Variants in PRICKLE2 observed in about 807,000 individuals in gnomAD.
The protein encoded by PRICKLE2 is prickle-like protein 2.
Under a neutral mutation model 81.4 loss-of-function variants are expected in PRICKLE2, and 21 were observed. That is an observed-to-expected ratio of 0.26 (90% confidence interval 0.18 to 0.37). The LOEUF is 0.37. Among genes scored for constraint, PRICKLE2 ranks in the 10% least tolerant of loss-of-function variants. PRICKLE2 has a pLI of 1.00. For synonymous variants in PRICKLE2, 456 were observed against 421.5 expected, an observed-to-expected ratio of 1.08 and a Z score of -1.00; for missense variants, 940 against 1,109.0, an observed-to-expected ratio of 0.85 and a Z score of 2.16.
At chr3:64,238,131 A>T (rs1054537052) in intron 2 of PRICKLE2, among the ~76,000 whole-genome samples, 3 of 152,226 alleles carry the variant, frequency 2.0e-5, no homozygotes, top group African/African-American at 7.2e-5. Flanking sequence ...TCAGAACCTG[A>T]AACAGTTGAA....
chr3:64,113,398 G>C (rs1485861402), intron 7 of PRICKLE2, among the ~76,000 whole-genome samples: 1 of 152,128 alleles, frequency 6.6e-6, no homozygotes, highest in Non-Finnish European at 1.5e-5. Context: ...GCCCCAGCCT[G>C]GCCACACCTG....
chr3:64,099,737 T>C lies in PRICKLE2; in HGVS notation c.1849A>G (p.Met617Val), dbSNP rs149214220. 6.2e-7 allele frequency: 1 copy of C among 1,614,166 alleles called. No homozygotes were observed. Among genetic ancestry groups the C allele is most frequent in the African/African-American group, 1.3e-5 (1 of 75,050 alleles). The change falls in exon 8 of 8, where the codon ATG (methionine) becomes GTG (valine). Residue 617 changes from methionine to valine, a missense_variant. By Grantham distance (21) the Met-to-Val change is conservative (BLOSUM62 1). Transcript: ENST00000638394. This position sits in a 1 kb window ranked among gnomAD's most constrained non-coding sequence, Gnocchi z 4.3. Reference sequence around the variant, plus strand: ...CTGAGCTGGTGGAGGTTTCCCTCCATCTCCTGGTACTGCTGGGCAGAGAGC... The same window carrying C: ...CTGAGCTGGTGGAGGTTTCCCTCCACCTCCTGGTACTGCTGGGCAGAGAGC... ...SLLSAQQYQE[M>V]EGNLHQLSNP...
At chr3:64,146,669 G>A (rs2077458921) in intron 7 of PRICKLE2, 161 bp downstream of exon 7, 1 of 731,284 alleles carries the variant, frequency 1.4e-6, no homozygotes, top group Non-Finnish European at 2.3e-6. Context: ...CGTGAACCCG[G>A]GAGGTGGAGC....
At chr3:64,116,418 T>C (rs2076934799) in intron 7 of PRICKLE2, among the ~76,000 whole-genome samples, 1 of 151,798 alleles carries the variant, frequency 6.6e-6, no homozygotes, top group Admixed American at 6.6e-5. Context: ...GAGCTGGTTT[T>C]CTTGAAAAAA....
Position 64,198,753 on chromosome 3 carries a change from A to T in PRICKLE2, c.144+31T>A, listed in dbSNP as rs746075796. On this transcript the variant is annotated intron_variant, in intron 2 of 7. Coordinates refer to ENST00000638394, the MANE Select transcript of PRICKLE2 (RefSeq NM_198859.4). ...CAGTAAGGCAAAGTGAAACACCCAA[A>T]CCACCAGCATGCTCCCATCCAGAAT... 3.1e-6 allele frequency: 5 copies of T among 1,611,942 alleles called. No homozygotes were observed. In the South Asian group the frequency reaches 3.3e-5, roughly 11 times the overall value.
rs773493989 is a variant in PRICKLE2, at chr3:64,147,321, C to T, written c.1169G>A (p.Arg390Gln). 23 of 1,614,038 alleles carry T rather than the reference C, an allele frequency of 1.4e-5. No homozygotes were observed. Among genetic ancestry groups the T allele is most frequent in the Middle Eastern group, 1.6e-4 (1 of 6,062 alleles). ...SLSSQTPSLN[R>Q]DPIWRSREEP... ...TTCCCGGCTCCTCCAGATGGGGTCC[C>T]GGTTGAGGCTGGGTGTCTGGCTGGA... is the stretch of plus-strand genomic sequence containing the variant. The change falls in exon 7 of 8, where the codon CGG becomes CAG. Residue 390 changes from arginine (R) to glutamine (Q), a missense_variant. By Grantham distance (43) the Arg-to-Gln change is conservative (BLOSUM62 1). Transcript: ENST00000638394. This position sits in a 1 kb window ranked among gnomAD's most constrained non-coding sequence, Gnocchi z 5.0.
At chr3:64,182,831 A>G (rs1377833855) in intron 2 of PRICKLE2, among the ~76,000 whole-genome samples, 1 of 152,180 alleles carries the variant, frequency 6.6e-6, no homozygotes, top group Non-Finnish European at 1.5e-5. Context: ...ATATAAATAT[A>G]TTCTGTATCT....
intron 1 of PRICKLE2, among the ~76,000 whole-genome samples, chr3:64,206,001 T>G (rs1219445223): frequency 1.3e-5 from 2 of 152,170 alleles, no homozygotes; most frequent in Admixed American, 6.5e-5. Context: ...AGTAGGTGCT[T>G]GGTAATTTGC....
intron 2 of PRICKLE2, among the ~76,000 whole-genome samples, chr3:64,183,618 T>C (rs1033486670): frequency 6.6e-6 from 1 of 152,210 alleles, no homozygotes; most frequent in Non-Finnish European, 1.5e-5. Context: ...ATGAAAGCTA[T>C]AGAGTATATC....
At chr3:64,180,541 A>ACTT (rs2078110470) in intron 2 of PRICKLE2, among the ~76,000 whole-genome samples, 1 of 149,774 alleles carries the variant, frequency 6.7e-6, no homozygotes, top group African/African-American at 2.5e-5. Context: ...TTTGAGAATG[A>ACTT]TTTTTTTTTT....
At chr3:64,184,979 C>CA (rs2078197874) in intron 2 of PRICKLE2, among the ~76,000 whole-genome samples, 1 of 152,212 alleles carries the variant, frequency 6.6e-6, no homozygotes, top group Admixed American at 6.5e-5. Context: ...GTTGGCACTG[C>CA]AGCTTTTTTC....
At chr3:64,112,502 A>G (rs1012630335) in intron 7 of PRICKLE2, among the ~76,000 whole-genome samples, 2 of 152,228 alleles carry the variant, frequency 1.3e-5, no homozygotes, top group African/African-American at 4.8e-5. Flanking sequence ...AGAAGATGGA[A>G]TAATTTTTAA....
At chr3:64,133,333 C>T (rs577721169) in intron 7 of PRICKLE2, among the ~76,000 whole-genome samples, 2 of 152,104 alleles carry the variant, frequency 1.3e-5, no homozygotes, top group Non-Finnish European at 2.9e-5. Context: ...ATGGGAAGCT[C>T]AGGCCGGGTT....
intron 7 of PRICKLE2, among the ~76,000 whole-genome samples, chr3:64,130,518 T>C (rs1336689493): frequency 6.6e-6 from 1 of 152,086 alleles, no homozygotes; most frequent in Non-Finnish European, 1.5e-5. Flanking sequence ...AGGGCAAAGG[T>C]TACTAGAAGA....
intron 7 of PRICKLE2, chr3:64,102,616 TAATAGA>T: frequency 6.6e-6 from 1 of 152,132 alleles, no homozygotes; most frequent in South Asian, 2.1e-4. Context: ...AATGTAGTAA[TAATAGA>T]AATAAAGTAC....
intron 7 of PRICKLE2, among the ~76,000 whole-genome samples, chr3:64,123,333 G>A (rs1312172770): frequency 1.3e-5 from 2 of 152,198 alleles, no homozygotes. Context: ...TACAAGTTGA[G>A]TATCTCCAAT....
chr3:64,263,148 A>C (rs780530797), intron 2 of PRICKLE2, among the ~76,000 whole-genome samples: 11 of 152,220 alleles, frequency 7.2e-5, no homozygotes. Context: ...TTTTTAGAAG[A>C]GCAATTCACC....
intron 2 of PRICKLE2, among the ~76,000 whole-genome samples, chr3:64,260,224 T>A (rs1234308894): frequency 6.6e-6 from 1 of 152,140 alleles, no homozygotes; most frequent in Admixed American, 6.5e-5. Context: ...TCTCAGGAAG[T>A]GCTGCAGTAC....
intron 7 of PRICKLE2, among the ~76,000 whole-genome samples, chr3:64,110,928 C>A (rs1239865555): frequency 2.2e-5 from 3 of 137,850 alleles, no homozygotes; most frequent in African/African-American, 8.2e-5. Flanking sequence ...TGCCACTGCA[C>A]TCCAGCCTGG....
Sources: gnomAD v4.1 joint callset for allele counts (sites outside exome capture counted in the v4.1 genomes callset) on GRCh38, gnomAD v4.1.1 for gene constraint, Gnocchi (gnomAD v3.1) non-coding constraint, MANE v1.5 for transcripts, NCBI Gene and HGNC (gene_info 2026-07-23, HGNC 2026-07-21) for gene names.